The following R3HCC1 variants were observed in gnomAD, a reference collection of about 807,000 sequenced individuals.
The protein encoded by R3HCC1 is R3H domain and coiled-coil containing 1, also known as R3H and coiled-coil domain-containing protein 1.
R3HCC1 carries 32 observed loss-of-function variants against 40.0 expected under a neutral mutation model. The observed-to-expected ratio is 0.80, with a 90% CI of 0.60 to 1.07. R3HCC1 has a LOEUF of 1.07. R3HCC1 is among the 50% of genes least tolerant of loss of function. The pLI, the probability that R3HCC1 is intolerant of heterozygous loss-of-function variation, is 0.00. For synonymous variants in R3HCC1, 237 were observed against 232.8 expected, an observed-to-expected ratio of 1.02 and a Z score of -0.17; for missense variants, 586 against 563.3, an observed-to-expected ratio of 1.04 and a Z score of -0.41.
At chr8:23,295,311 G>C in intron 7 of R3HCC1, 1 of 368,902 alleles carries the variant, frequency 2.7e-6, no homozygotes. Flanking sequence ...CACTCAGTGT[G>C]TGAGTTGGTT....
In R3HCC1 at chr8:23,290,114, A is replaced by G. The variant is rs1255220781; in HGVS notation, c.497A>G (p.Asp166Gly). ...AAGAGAGAGGCCCCAGCTGGCAGGG[A>G]CCCAGAAGAGCCTGGAGATGTTGGT... Residue 166 changes from aspartate to glycine, a missense_variant, in exon 4 of 8, where the codon GAC becomes GGC. Asp to Gly is a moderately conservative substitution (Grantham distance 94). Coordinates refer to ENST00000265806, the MANE Select transcript of R3HCC1 (RefSeq NM_001136108.3). The G allele has an allele frequency of 1.3e-6, 2 of 1,550,970 alleles. No individual in the cohort carries two copies. Among genetic ancestry groups the G allele is most frequent in the Non-Finnish European group, 1.7e-6 (2 of 1,147,008 alleles).
intron 7 of R3HCC1, chr8:23,295,758 A>G: frequency 1.5e-6 from 1 of 648,958 alleles, no homozygotes; most frequent in South Asian, 2.0e-5. Context: ...AGAGGCGACA[A>G]GTTTGGGTCA....
In R3HCC1 at chr8:23,296,232, A is replaced by T; in HGVS notation, c.*135A>T. ...CATGGGGTGTGGTGGGCTTTAGTTT[A>T]GTCCCAGAAATGGAGAAAAAATAAA... On this transcript the variant is annotated 3_prime_UTR_variant, in exon 8 of 8. Coordinates refer to ENST00000265806, the MANE Select transcript of R3HCC1 (RefSeq NM_001136108.3). 1 of 1,060,180 alleles carries T rather than the reference A, an allele frequency of 9.4e-7. No homozygotes were observed. 65.7% of individuals were successfully genotyped at this position (1,060,180 alleles called of 1,614,324 possible).
At chr8:23,290,600 G>A (rs1012455265) in intron 4 of R3HCC1, 131 bp downstream of exon 4, 14 of 1,119,802 alleles carry the variant, frequency 1.3e-5, no homozygotes, top group African/African-American at 1.6e-5. Context: ...GGTGTTGGGT[G>A]ACAGGGATTC....
In R3HCC1 at chr8:23,291,276, C is replaced by T. The variant is rs1487838930; in HGVS notation, c.853-85C>T. On this transcript the variant is annotated intron_variant, in intron 4 of 7. Coordinates refer to ENST00000265806, the MANE Select transcript of R3HCC1 (RefSeq NM_001136108.3). ...ACTTTTGCCAGGTGGGCCCCTTCTC[C>T]CTGCAGAGCTCTCAGCGCGTGGGCT... 1.0e-5 allele frequency: 15 copies of T among 1,467,032 alleles called. No individual in the cohort carries two copies. In the African/African-American group the frequency reaches 1.1e-4, roughly 11 times the overall value. The allele number at this position is 1,467,032 out of a possible 1,614,324, so 90.9% of individuals were successfully genotyped here.
Position 23,288,516 on chromosome 8 carries a change from C to G in R3HCC1, c.-8C>G. 1 of 1,536,076 alleles carries G rather than the reference C, an allele frequency of 6.5e-7. No individual in the cohort carries two copies. The highest frequency in any genetic ancestry group is 8.7e-7 in the Non-Finnish European group (1 of 1,146,870). ...CCGTCTCTCTTACAGGCTCTCCCACCTGTCACCCTGGCCCTTCTCTGCTTG... is the reference window on the plus strand; with the variant it reads ...CCGTCTCTCTTACAGGCTCTCCCACGTGTCACCCTGGCCCTTCTCTGCTTG... On this transcript the variant is annotated 5_prime_UTR_variant, in exon 2 of 8. Coordinates refer to ENST00000265806, the MANE Select transcript of R3HCC1 (RefSeq NM_001136108.3).
Position 23,295,959 on chromosome 8 carries a change from C to T in R3HCC1, c.1193-8C>T. ...GTTTAGGTCCCCACTGTGGGGCTTTCCTTCTAGAACTCCTGCGTCTGGTGA... is the reference window on the plus strand; with the variant it reads ...GTTTAGGTCCCCACTGTGGGGCTTTTCTTCTAGAACTCCTGCGTCTGGTGA... On this transcript the variant is annotated splice_region_variant and splice_polypyrimidine_tract_variant and intron_variant, in intron 7 of 7. Transcript: ENST00000265806. The T allele has an allele frequency of 6.5e-7, 1 of 1,546,322 alleles. No individual in the cohort carries two copies. The highest frequency in any genetic ancestry group is 8.7e-7 in the Non-Finnish European group (1 of 1,144,282).
chr8:23,289,720 C>T (rs1802817477), intron 3 of R3HCC1, 146 bp from the exon 4 acceptor site: 2 of 1,211,630 alleles, frequency 1.7e-6, no homozygotes, highest in African/African-American at 3.1e-5. Flanking sequence ...GTGATGCCTT[C>T]CTAAGGGATT....
chr8:23,292,562 C>T (rs548491696), intron 5 of R3HCC1, among the ~76,000 whole-genome samples: 28 of 152,218 alleles, frequency 1.8e-4, no homozygotes, highest in Middle Eastern at 6.8e-3. Context: ...TGTAGTGAGC[C>T]GAGATTGTGC....
chr8:23,292,276 T>C (rs1802884317), intron 5 of R3HCC1, among the ~76,000 whole-genome samples: 1 of 152,128 alleles, frequency 6.6e-6, no homozygotes, highest in South Asian at 2.1e-4. Flanking sequence ...TACAGGCATG[T>C]GCCACCGTGC....
At chr8:23,288,206 CG>C in intron 1 of R3HCC1, 49 bp downstream of exon 1, 1 of 1,207,764 alleles carries the variant, frequency 8.3e-7, no homozygotes, top group Non-Finnish European at 1.0e-6. Context: ...CCCGGGCTCC[CG>C]GGTGGGAAGG....
At chr8:23,294,926 T>TGTGTGTGTGC (rs1448665976) in intron 7 of R3HCC1, 62 bp downstream of exon 7, 1 of 1,196,496 alleles carries the variant, frequency 8.4e-7, no homozygotes, top group South Asian at 1.3e-5. Context: ...TGCGAGCATG[T>TGTGTGTGTGC]GTGTGTGTGC....
Position 23,289,973 on chromosome 8 carries a change from C to A in R3HCC1, c.356C>A (p.Pro119His), listed in dbSNP as rs1418395564. ...TCCAACCAAGGAGCAGCTGCGGTTC[C>A]CCGAGGTGCCCGGGCTGGCCGGTGG... The change falls in exon 4 of 8, where the codon CCC becomes CAC. Residue 119 changes from proline (P) to histidine (H), a missense_variant. Pro to His is a moderately conservative substitution (Grantham distance 77). Coordinates refer to ENST00000265806, the MANE Select transcript of R3HCC1 (RefSeq NM_001136108.3). 2 of 1,536,452 alleles carry A rather than the reference C, an allele frequency of 1.3e-6. No homozygotes were observed. Among genetic ancestry groups the A allele is most frequent in the Non-Finnish European group, 1.7e-6 (2 of 1,146,934 alleles).
intron 2 of R3HCC1, among the ~76,000 whole-genome samples, 189 bp downstream of exon 2, chr8:23,288,822 C>G (rs927704994): frequency 2.0e-5 from 3 of 152,134 alleles, no homozygotes; most frequent in Admixed American, 6.5e-5. Context: ...CTGATGGGGC[C>G]CGGCACAGGG....
chr8:23,289,811 C>G, intron 3 of R3HCC1, 55 bp from the exon 4 acceptor site: 1 of 1,440,934 alleles, frequency 6.9e-7, no homozygotes, highest in Non-Finnish European at 9.1e-7. Flanking sequence ...TCTAGTAAAT[C>G]ATTTTCCTTT....
chr8:23,289,818 C>T (rs931916376), intron 3 of R3HCC1, 48 bp from the exon 4 acceptor site: 4 of 1,444,118 alleles, frequency 2.8e-6, no homozygotes, highest in Non-Finnish European at 3.6e-6. Context: ...AATCATTTTC[C>T]TTTGGGCCCC....
rs1563177910 is a variant in R3HCC1, at chr8:23,288,493, GTC to G, written c.-18-7_-18-6del. 1.8e-5 allele frequency: 27 copies of G among 1,535,540 alleles called. No homozygotes were observed. The East Asian group carries it at 6.1e-4, about 35-fold the overall frequency. On this transcript the variant is annotated splice_polypyrimidine_tract_variant and intron_variant, in intron 1 of 7. Transcript: ENST00000265806. ...TGTGCTCTGATTCCCGGCCCTGCCC[GTC>G]TCTCTTACAGGCTCTCCCACCTGTC...
intron 5 of R3HCC1, among the ~76,000 whole-genome samples, chr8:23,292,682 A>G (rs1802893592): frequency 6.6e-6 from 1 of 152,210 alleles, no homozygotes; most frequent in Non-Finnish European, 1.5e-5. Context: ...TGCTTCCTAA[A>G]GCCTTCCGCT....
Position 23,294,883 on chromosome 8 carries a change from C to T in R3HCC1, c.1192+19C>T. On this transcript the variant is annotated intron_variant, in intron 7 of 7. Coordinates refer to ENST00000265806, the MANE Select transcript of R3HCC1 (RefSeq NM_001136108.3). ...AGGCCAAGTAAGGAAAGCGCATGTC[C>T]CTGAATAGGGAGGCTGTGTGTGTGT... is the stretch of plus-strand genomic sequence containing the variant. The T allele has an allele frequency of 6.6e-7, 1 of 1,518,698 alleles. No individual in the cohort carries two copies. The highest frequency in any genetic ancestry group is 1.2e-5 in the South Asian group (1 of 83,452). 94.1% of individuals were successfully genotyped at this position (1,518,698 alleles called of 1,614,324 possible). A position where few individuals can be genotyped will look rare whatever the true frequency, so the allele number is the denominator to read the frequency against.
Sources: allele counts gnomAD v4.1 joint callset (sites outside exome capture counted in the v4.1 genomes callset), GRCh38; gene constraint gnomAD v4.1.1; transcripts MANE v1.5; gene names NCBI Gene and HGNC (gene_info 2026-07-23, HGNC 2026-07-21).